DLGAP1: variants seen among roughly 807,000 people sequenced by gnomAD.
DLGAP1 encodes disks large-associated protein 1.
DLGAP1 carries 11 observed loss-of-function variants against 90.8 expected under a neutral mutation model. The observed-to-expected ratio is 0.12, with a 90% CI of 0.08 to 0.20. DLGAP1 has a LOEUF of 0.20. DLGAP1 is among the 10% of genes least tolerant of loss of function. DLGAP1 has a pLI of 1.00. For synonymous variants in DLGAP1, 558 were observed against 540.7 expected (o/e 1.03, Z -0.44); for missense variants, 1,050 against 1,333.8 (o/e 0.79, Z 3.31).
intron 1 of DLGAP1, among the ~76,000 whole-genome samples, chr18:4,171,438 G>A (rs543524470): frequency 2.6e-5 from 4 of 151,996 alleles, no homozygotes; most frequent in East Asian, 1.9e-4. Context: ...GGTGGCAGGC[G>A]CCTGTAGTCC....
At chr18:4,075,472 T>C (rs1304623866) in intron 2 of DLGAP1, among the ~76,000 whole-genome samples, 1 of 152,214 alleles carries the variant, frequency 6.6e-6, no homozygotes, top group Non-Finnish European at 1.5e-5. Flanking sequence ...TTAGCTACTG[T>C]ACCCCATTTG....
chr18:3,628,350 C>A lies in DLGAP1; in HGVS notation c.1592-46102G>T, dbSNP rs111571995. ...GATTATAGCCATGTGCCATCACACT[C>A]AGACGATTTTTGTATTTTCAGTAGA... is the stretch of plus-strand genomic sequence containing the variant. On this transcript the variant is annotated intron_variant, in intron 7 of 12. Coordinates refer to ENST00000315677, the MANE Select transcript of DLGAP1 (RefSeq NM_004746.4). 6.9e-3 allele frequency among the ~76,000 whole-genome samples: 1,044 copies of A among 151,982 alleles called. 15 individuals are homozygous for A. The highest frequency in any genetic ancestry group is 0.024 in the African/African-American group (1,011 of 41,448).
At chr18:3,613,954 C>T (rs1335797990) in intron 7 of DLGAP1, among the ~76,000 whole-genome samples, 1 of 151,668 alleles carries the variant, frequency 6.6e-6, no homozygotes, top group Non-Finnish European at 1.5e-5. Flanking sequence ...ATGGAGTTTC[C>T]CTCTTTTGCC....
chr18:3,502,656 G>C lies in DLGAP1; in HGVS notation c.2572-11C>G. ...ATGAGCATTAGGATTCTGCACAAGA[G>C]AAAGAAAAACATTCATGCTTTAGAA... On this transcript the variant is annotated splice_polypyrimidine_tract_variant and intron_variant, in intron 11 of 12. Transcript: ENST00000315677. 1.3e-6 allele frequency: 2 copies of C among 1,598,102 alleles called. No homozygotes were observed. Among genetic ancestry groups the C allele is most frequent in the Non-Finnish European group, 1.7e-6 (2 of 1,175,180 alleles).
At chr18:4,242,333 G>A (rs115728271) in intron 1 of DLGAP1, among the ~76,000 whole-genome samples, 1,720 of 151,834 alleles carry the variant, frequency 0.011, 40 homozygotes, top group African/African-American at 0.04. Context: ...TTTGTTCTTG[G>A]ATCACCTTTT....
intron 1 of DLGAP1, among the ~76,000 whole-genome samples, chr18:4,354,597 T>C (rs971267103): frequency 7.9e-5 from 12 of 152,066 alleles, no homozygotes; most frequent in African/African-American, 2.9e-4. Context: ...TTTGCAATGC[T>C]TTTCTCTTGT....
At chr18:3,872,275 CAGTAAG>C (rs1293679365) in intron 4 of DLGAP1, among the ~76,000 whole-genome samples, 2 of 138,208 alleles carry the variant, frequency 1.4e-5, no homozygotes, top group Non-Finnish European at 3.2e-5. Context: ...TCAAAAGTAA[CAGTAAG>C]AGTAAATGTT....
At chr18:3,978,875 T>C (rs1158788899) in intron 3 of DLGAP1, among the ~76,000 whole-genome samples, 1 of 152,140 alleles carries the variant, frequency 6.6e-6, no homozygotes, top group Non-Finnish European at 1.5e-5. Flanking sequence ...GGGGGAACAG[T>C]ATTAGTGAGG....
chr18:4,039,958 T>C (rs1015864680), intron 2 of DLGAP1, among the ~76,000 whole-genome samples: 31 of 152,202 alleles, frequency 2.0e-4, no homozygotes, highest in African/African-American at 7.2e-4. Context: ...GAGGACACAA[T>C]AAAAATTTGG....
At chr18:3,500,114 G>C (rs545214218) in intron 12 of DLGAP1, among the ~76,000 whole-genome samples, 182 of 152,242 alleles carry the variant, frequency 1.2e-3, no homozygotes, top group Non-Finnish European at 2.5e-4. Flanking sequence ...AACTGTGGTG[G>C]CCCAGGAAGC....
At chr18:3,723,043 T>C (rs1465135950) in intron 7 of DLGAP1, among the ~76,000 whole-genome samples, 2 of 152,204 alleles carry the variant, frequency 1.3e-5, no homozygotes, top group Non-Finnish European at 2.9e-5. Flanking sequence ...TACCTTTGAA[T>C]GGGTTTGATG....
intron 3 of DLGAP1, among the ~76,000 whole-genome samples, chr18:4,003,382 C>T (rs2074236979): frequency 6.7e-6 from 1 of 149,506 alleles, no homozygotes; most frequent in Non-Finnish European, 1.5e-5. Context: ...GGCAGGAGCC[C>T]AAGGATGTAA....
intron 2 of DLGAP1, among the ~76,000 whole-genome samples, chr18:4,024,421 A>C (rs145628181): frequency 4.1e-4 from 63 of 152,318 alleles, no homozygotes; most frequent in African/African-American, 1.5e-3. Context: ...GATCTGGATC[A>C]AGGGAGTGCT....
At chr18:4,182,256 C>A (rs1390002118) in intron 1 of DLGAP1, among the ~76,000 whole-genome samples, 1 of 152,112 alleles carries the variant, frequency 6.6e-6, no homozygotes, top group Non-Finnish European at 1.5e-5. Flanking sequence ...CAGGAAGGCT[C>A]TTTGCCCTCT....
At position 3,742,321 on chromosome 18, in the gene DLGAP1, C is replaced by G; in HGVS notation, c.1350+14G>C. 1.9e-6 allele frequency: 3 copies of G among 1,611,106 alleles called. No individual in the cohort carries two copies. The highest frequency in any genetic ancestry group is 1.7e-5 in the Admixed American group (1 of 59,972). ...CTAATGGCTCCTGACCACCGCTGCC[C>G]TGACGGCCCTCACCTGGCTGATGGT... On this transcript the variant is annotated intron_variant, in intron 6 of 12. Coordinates refer to ENST00000315677, the MANE Select transcript of DLGAP1 (RefSeq NM_004746.4).
At chr18:4,199,899 A>G (rs776988778) in intron 1 of DLGAP1, among the ~76,000 whole-genome samples, 12 of 152,202 alleles carry the variant, frequency 7.9e-5, no homozygotes, top group Non-Finnish European at 1.6e-4. Context: ...CCCCAGATAA[A>G]TAACTGTGTC....
rs1416047423 is a variant in DLGAP1 at position 3,499,531 on chromosome 18, C to A, written c.2725-137G>T. On this transcript the variant is annotated intron_variant, in intron 12 of 12. Coordinates refer to ENST00000315677, the MANE Select transcript of DLGAP1 (RefSeq NM_004746.4). This position sits in a 1 kb window ranked among gnomAD's most constrained non-coding sequence, Gnocchi z 6.4. ...TTCTGATCTGCACACTGCATATCTA[C>A]TTTTTTCTTCATTATTCTGGCTTGG... is the stretch of plus-strand genomic sequence containing the variant. 1 of 834,402 alleles carries A rather than the reference C, an allele frequency of 1.2e-6. No individual in the cohort carries two copies. Among genetic ancestry groups the A allele is most frequent in the Non-Finnish European group, 1.8e-6 (1 of 558,876 alleles). The allele number at this position is 834,402 out of a possible 1,614,324, so 51.7% of individuals were successfully genotyped here. A position where few individuals can be genotyped will look rare whatever the true frequency, so the allele number is the denominator to read the frequency against.
At chr18:3,580,090 T>C (rs1373298201) in intron 8 of DLGAP1, 1 of 818,746 alleles carries the variant, frequency 1.2e-6, no homozygotes, top group Admixed American at 2.0e-5. Flanking sequence ...CTTTGAATTA[T>C]CCTGCAGCTT....
At chr18:3,895,317 ACACATCAT>A (rs2071592735) in intron 3 of DLGAP1, among the ~76,000 whole-genome samples, 7 of 147,730 alleles carry the variant, frequency 4.7e-5, no homozygotes, top group Non-Finnish European at 8.9e-5. Flanking sequence ...ACACACACAC[ACACATCAT>A]CATCATCATC....
Sources: gnomAD v4.1 joint callset for allele counts (sites outside exome capture counted in the v4.1 genomes callset) on GRCh38, gnomAD v4.1.1 for gene constraint, Gnocchi (gnomAD v3.1) non-coding constraint, MANE v1.5 for transcripts, NCBI Gene and HGNC (gene_info 2026-07-23, HGNC 2026-07-21) for gene names.